Variants in BCAR3 observed in about 807,000 individuals in gnomAD.
The protein encoded by BCAR3 is breast cancer anti-estrogen resistance protein 3.
BCAR3 carries 37 observed loss-of-function variants against 80.1 expected under a neutral mutation model. The observed-to-expected ratio is 0.46, with a 90% confidence interval of 0.36 to 0.61. The LOEUF (loss-of-function observed/expected upper bound fraction) is 0.61, where lower values mean the gene tolerates loss of function less well. Ranked by LOEUF, BCAR3 falls within the 20% of genes least tolerant of loss-of-function variation. BCAR3 has a pLI of 0.00. For synonymous variants in BCAR3, 389 were observed against 418.9 expected (o/e 0.93, Z 0.87); for missense variants, 978 against 1,068.2 (o/e 0.92, Z 1.18).
At chr1:93,709,352 C>T (rs756823916) in intron 2 of BCAR3, among the ~76,000 whole-genome samples, 1 of 152,216 alleles carries the variant, frequency 6.6e-6, no homozygotes, top group African/African-American at 2.4e-5. Context: ...AGCCAGCCTG[C>T]GGTCTGTTCA....
At chr1:93,694,640 C>T (rs1649321359) in intron 3 of BCAR3, among the ~76,000 whole-genome samples, 2 of 152,198 alleles carry the variant, frequency 1.3e-5, no homozygotes, top group South Asian at 4.1e-4. Context: ...ATTAAAGTCA[C>T]CTGATCATCA....
rs148127363 is a variant in BCAR3 at position 93,617,552 on chromosome 1, T to C, written c.357+24752A>G. The stretch of plus-strand genomic sequence containing the variant: ...TGCCCAAAGGGACATCGGTCAGGGG[T>C]GAACACCAGTAATCGTGATCAGAAC... On this transcript the variant is annotated intron_variant, in intron 3 of 11. Transcript: ENST00000260502. 2.6e-5 allele frequency among the ~76,000 whole-genome samples: 4 copies of C among 152,222 alleles called. No homozygotes were observed. In the East Asian group the frequency reaches 7.7e-4, roughly 29 times the overall value.
intron 3 of BCAR3, 105 bp downstream of exon 3, chr1:93,642,199 G>T: frequency 1.5e-6 from 2 of 1,333,646 alleles, no homozygotes; most frequent in Non-Finnish European, 2.1e-6. Flanking sequence ...AGTCTAATCA[G>T]CTTTTTACAC....
At chr1:93,752,752 G>A (rs936267008) in intron 2 of BCAR3, among the ~76,000 whole-genome samples, 3 of 152,196 alleles carry the variant, frequency 2.0e-5, no homozygotes, top group African/African-American at 7.2e-5. Context: ...TCCACACATG[G>A]CCACACTCCA....
intron 7 of BCAR3, among the ~76,000 whole-genome samples, chr1:93,580,264 C>G (rs1673643781): frequency 6.6e-6 from 1 of 152,170 alleles, no homozygotes; most frequent in African/African-American, 2.4e-5. Flanking sequence ...GACTTCTTGC[C>G]ATGATTCAAC....
chr1:93,842,268 C>T (rs1396312475), intron 2 of BCAR3, among the ~76,000 whole-genome samples: 1 of 151,982 alleles, frequency 6.6e-6, no homozygotes, highest in African/African-American at 2.4e-5. Context: ...CCTCCTGTCT[C>T]AGCCTCCCGA....
In BCAR3 at chr1:93,631,378, C is replaced by T. The variant is rs1439479089; in HGVS notation, c.357+10926G>A. Among the ~76,000 whole-genome samples the T allele has an allele frequency of 3.9e-5, 6 of 152,180 alleles. No individual in the cohort carries two copies. The East Asian group carries it at 9.6e-4, about 24-fold the overall frequency. ...ACTGGGGGTTAAGACTTCAACATAT[C>T]GCTTTTGGGGGACACAATTCAACCC... On this transcript the variant is annotated intron_variant, in intron 3 of 11. Transcript: ENST00000260502.
chr1:93,799,430 A>G (rs1380576406), intron 2 of BCAR3, among the ~76,000 whole-genome samples: 2 of 152,240 alleles, frequency 1.3e-5, no homozygotes, highest in African/African-American at 4.8e-5. Flanking sequence ...AAAATTGGGT[A>G]ACTAACTGTG....
chr1:93,785,495 T>A (rs1486058807), intron 2 of BCAR3, among the ~76,000 whole-genome samples: 1 of 152,218 alleles, frequency 6.6e-6, no homozygotes, highest in East Asian at 1.9e-4. Flanking sequence ...TACGTAAGAA[T>A]TCACAATTTT....
chr1:93,589,528 CTCT>C, intron 4 of BCAR3, 109 bp from the exon 5 acceptor site: 1 of 930,306 alleles, frequency 1.1e-6, no homozygotes, highest in Non-Finnish European at 1.6e-6. Flanking sequence ...GCTACTATGT[CTCT>C]TCTTGGGTCA....
At chr1:93,764,944 A>G (rs534280779) in intron 2 of BCAR3, among the ~76,000 whole-genome samples, 1 of 148,498 alleles carries the variant, frequency 6.7e-6, no homozygotes, top group African/African-American at 2.6e-5. Flanking sequence ...TGTAGCACAC[A>G]TGTTTGCATC....
At chr1:93,761,702 T>G (rs540175660) in intron 2 of BCAR3, among the ~76,000 whole-genome samples, 1 of 152,278 alleles carries the variant, frequency 6.6e-6, no homozygotes, top group South Asian at 2.1e-4. Context: ...AATGTGGTCT[T>G]CTAATGTTTC....
chr1:93,614,150 A>T, intron 3 of BCAR3: 1 of 1,335,896 alleles, frequency 7.5e-7, no homozygotes. Flanking sequence ...CAATTCTCGC[A>T]GGCTGGTGTC....
intron 4 of BCAR3, among the ~76,000 whole-genome samples, chr1:93,591,446 G>C (rs1292100099): frequency 6.6e-6 from 1 of 152,110 alleles, no homozygotes; most frequent in Non-Finnish European, 1.5e-5. Flanking sequence ...TTGCACTCCA[G>C]CCTGGGTGAT....
chr1:93,783,429 G>A (rs1403258966), intron 2 of BCAR3, among the ~76,000 whole-genome samples: 1 of 152,176 alleles, frequency 6.6e-6, no homozygotes, highest in Non-Finnish European at 1.5e-5. Context: ...CTAGGCTCAT[G>A]TGCAAAGTTC....
chr1:93,832,031 G>A (rs1157080417), intron 2 of BCAR3, among the ~76,000 whole-genome samples: 2 of 152,066 alleles, frequency 1.3e-5, no homozygotes, highest in East Asian at 1.9e-4. Context: ...GACCCAGAAG[G>A]GCCAGAAGGC....
chr1:93,817,333 GC>G (rs1298386700), intron 2 of BCAR3, among the ~76,000 whole-genome samples: 2 of 152,226 alleles, frequency 1.3e-5, no homozygotes, highest in Admixed American at 6.5e-5. Context: ...GGTTTTTGGG[GC>G]TGAGAGCCCA....
chr1:93,568,764 T>C (rs1673079413), intron 9 of BCAR3, among the ~76,000 whole-genome samples: 1 of 152,232 alleles, frequency 6.6e-6, no homozygotes. Context: ...TTTTGTTAAA[T>C]TTCTGCATAA....
At chr1:93,777,799 C>A (rs559575298) in intron 2 of BCAR3, among the ~76,000 whole-genome samples, 1 of 152,294 alleles carries the variant, frequency 6.6e-6, no homozygotes, top group African/African-American at 2.4e-5. Flanking sequence ...TTTGGTTACC[C>A]TGAGGTTCAA....
Sources: gnomAD v4.1 joint callset for allele counts (sites outside exome capture counted in the v4.1 genomes callset) on GRCh38, gnomAD v4.1.1 for gene constraint, MANE v1.5 for transcripts, NCBI Gene and HGNC (gene_info 2026-07-23, HGNC 2026-07-21) for gene names.